Variants in MGMT observed in about 807,000 individuals in gnomAD.
MGMT encodes methylated-DNA--protein-cysteine methyltransferase.
Under a neutral mutation model 15.9 loss-of-function variants are expected in MGMT, and 14 were observed. The ratio of observed to expected loss-of-function variants is 0.88; its 90% CI spans 0.58 to 1.37. The LOEUF is 1.37. Among genes scored for constraint, MGMT ranks in the 40% most tolerant of loss-of-function variants. MGMT has a pLI of 0.00. For synonymous variants in MGMT, 130 were observed against 118.2 expected (o/e 1.10, Z -0.65); for missense variants, 282 against 268.1 (o/e 1.05, Z -0.36).
intron 2 of MGMT, among the ~76,000 whole-genome samples, chr10:129,562,515 A>G (rs1846292820): frequency 1.3e-5 from 2 of 152,232 alleles, no homozygotes; most frequent in Non-Finnish European, 2.9e-5. Flanking sequence ...CAGATGTAAA[A>G]TTCTTAATCT....
At chr10:129,598,316 G>T (rs903547478) in intron 2 of MGMT, among the ~76,000 whole-genome samples, 2 of 152,172 alleles carry the variant, frequency 1.3e-5, no homozygotes, top group Non-Finnish European at 2.9e-5. Context: ...TGGAACCGTG[G>T]GCAAGTCTCT....
At chr10:129,632,133 C>T (rs1277478032) in intron 2 of MGMT, among the ~76,000 whole-genome samples, 3 of 152,216 alleles carry the variant, frequency 2.0e-5, no homozygotes, top group Admixed American at 1.3e-4. Flanking sequence ...TTTTTATGCA[C>T]CAGCGTATGC....
chr10:129,687,449 A>C (rs1024733572), intron 2 of MGMT, among the ~76,000 whole-genome samples: 1 of 152,202 alleles, frequency 6.6e-6, no homozygotes, highest in Admixed American at 6.5e-5. Context: ...TCTCTGGTGC[A>C]CAGGGGGGAC....
intron 1 of MGMT, among the ~76,000 whole-genome samples, chr10:129,477,224 G>A (rs747929998): frequency 2.0e-5 from 3 of 152,188 alleles, no homozygotes; most frequent in Non-Finnish European, 2.9e-5. Context: ...TCTTCCAGAA[G>A]CTACTTCAGC....
chr10:129,492,966 C>T (rs1209997294), intron 1 of MGMT, among the ~76,000 whole-genome samples: 1 of 152,200 alleles, frequency 6.6e-6, no homozygotes, highest in Non-Finnish European at 1.5e-5. Flanking sequence ...CCACACATTT[C>T]ATAAATGCTT....
chr10:129,553,356 G>T (rs541565263), intron 2 of MGMT, among the ~76,000 whole-genome samples: 11 of 152,302 alleles, frequency 7.2e-5, no homozygotes, highest in Admixed American at 3.9e-4. Flanking sequence ...AGGAAACCCT[G>T]GCTGCTGAAG....
At chr10:129,476,133 G>T (rs1845291309) in intron 1 of MGMT, among the ~76,000 whole-genome samples, 1 of 152,182 alleles carries the variant, frequency 6.6e-6, no homozygotes, top group African/African-American at 2.4e-5. Flanking sequence ...AGCAGTCGTT[G>T]AATTTTCTTT....
chr10:129,685,060 A>G (rs1199926807), intron 2 of MGMT, among the ~76,000 whole-genome samples: 11 of 152,246 alleles, frequency 7.2e-5, no homozygotes, highest in African/African-American at 2.2e-4. Context: ...TGACAGTGGC[A>G]TCACATAAAG....
chr10:129,615,263 C>T (rs577058519), intron 2 of MGMT, among the ~76,000 whole-genome samples: 2 of 152,260 alleles, frequency 1.3e-5, no homozygotes, highest in East Asian at 1.9e-4. Context: ...AGGAAGAGCC[C>T]TTGCCGCCGC....
chr10:129,746,705 G>A (rs976805261), intron 3 of MGMT, among the ~76,000 whole-genome samples: 1 of 151,910 alleles, frequency 6.6e-6, no homozygotes, highest in Non-Finnish European at 1.5e-5. Context: ...CAACAAGCTG[G>A]GTATTTATCC....
At chr10:129,580,992 G>A (rs1846548098) in intron 2 of MGMT, among the ~76,000 whole-genome samples, 1 of 152,216 alleles carries the variant, frequency 6.6e-6, no homozygotes, top group Non-Finnish European at 1.5e-5. Context: ...CAAAGCAGGT[G>A]CTTGGGGGAT....
intron 2 of MGMT, among the ~76,000 whole-genome samples, chr10:129,683,771 A>C (rs1847878000): frequency 6.6e-6 from 1 of 152,154 alleles, no homozygotes; most frequent in Admixed American, 6.5e-5. Context: ...AATGGTAATA[A>C]TCTGCTCCTA....
At chr10:129,656,930 A>G (rs1416348393) in intron 2 of MGMT, among the ~76,000 whole-genome samples, 3 of 151,774 alleles carry the variant, frequency 2.0e-5, no homozygotes, top group Admixed American at 2.0e-4. Context: ...CTCAGACCCA[A>G]CTCTCGGGCT....
At chr10:129,740,661 A>C (rs1848621358) in intron 3 of MGMT, among the ~76,000 whole-genome samples, 1 of 152,110 alleles carries the variant, frequency 6.6e-6, no homozygotes, top group Non-Finnish European at 1.5e-5. Flanking sequence ...TTTTGTGGTG[A>C]GCTCTCAGGG....
chr10:129,753,764 A>G (rs1471038878), intron 3 of MGMT, among the ~76,000 whole-genome samples: 5 of 152,036 alleles, frequency 3.3e-5, no homozygotes, highest in Admixed American at 2.0e-4. Context: ...GATGATTTCA[A>G]CTTTTGGGTC....
intron 2 of MGMT, among the ~76,000 whole-genome samples, chr10:129,664,338 A>G (rs925380544): frequency 2.0e-5 from 3 of 152,320 alleles, no homozygotes; most frequent in Admixed American, 1.3e-4. Flanking sequence ...GAATTATTTC[A>G]TGTGTATGTG....
intron 2 of MGMT, among the ~76,000 whole-genome samples, chr10:129,696,719 G>T (rs764523392): frequency 5.3e-4 from 80 of 152,352 alleles, no homozygotes; most frequent in South Asian, 1.4e-3. Context: ...CTGGGTCGGA[G>T]CCGAGGGCTG....
rs1845946996 is a variant in MGMT, at chr10:129,532,810, T to C, written c.-12-3431T>C. On this transcript the variant is annotated intron_variant, in intron 1 of 4. Transcript: ENST00000651593. The surrounding 1 kb of genome is among the most constrained non-coding windows in gnomAD (Gnocchi z 5.3). ...CAGGTAGAGGAGTCAGGGGTCTTAT[T>C]GATGAGGAAATAGAGGCTTGAGAGA... 1.3e-5 allele frequency among the ~76,000 whole-genome samples: 2 copies of C among 152,116 alleles called. No individual in the cohort carries two copies. Among genetic ancestry groups the C allele is most frequent in the Non-Finnish European group, 2.9e-5 (2 of 68,034 alleles).
intron 2 of MGMT, among the ~76,000 whole-genome samples, chr10:129,636,841 T>C (rs527555183): frequency 2.6e-5 from 4 of 152,334 alleles, no homozygotes; most frequent in African/African-American, 9.6e-5. Flanking sequence ...AAAAATAGTC[T>C]ACAATTAATG....
Sources: gnomAD v4.1 joint callset for allele counts (sites outside exome capture counted in the v4.1 genomes callset) on GRCh38, gnomAD v4.1.1 for gene constraint, Gnocchi (gnomAD v3.1) non-coding constraint, MANE v1.5 for transcripts, NCBI Gene and HGNC (gene_info 2026-07-23, HGNC 2026-07-21) for gene names.